The following TXNDC5 variants were observed in gnomAD, a reference collection of about 807,000 sequenced individuals.
TXNDC5 encodes the protein thioredoxin domain-containing protein 5.
Under a neutral mutation model 52.6 loss-of-function variants are expected in TXNDC5, and 44 were observed. That is an observed-to-expected ratio of 0.84 (90% CI 0.66 to 1.08). TXNDC5 has a LOEUF of 1.08. Among genes scored for constraint, TXNDC5 ranks in the 50% least tolerant of loss-of-function variants. The probability of loss-of-function intolerance (pLI) is 0.00; values close to 1 mark genes in which losing one functional copy is unlikely to be tolerated. For missense variants in TXNDC5, 600 were observed against 565.5 expected (o/e 1.06, Z -0.62); for synonymous variants, 241 against 234.4 (o/e 1.03, Z -0.26).
chr6:7,903,229 C>T (rs1760624658), intron 2 of TXNDC5, among the ~76,000 whole-genome samples: 1 of 152,240 alleles, frequency 6.6e-6, no homozygotes, highest in Non-Finnish European at 1.5e-5. Flanking sequence ...TTGATCCATA[C>T]TTTCAATGCA....
At chr6:7,905,219 G>A (rs923782296) in intron 1 of TXNDC5, among the ~76,000 whole-genome samples, 31 of 152,258 alleles carry the variant, frequency 2.0e-4, no homozygotes, top group African/African-American at 7.2e-4. Flanking sequence ...CTGACTCCCC[G>A]GGCTGTTCAG....
At position 7,903,774 on chromosome 6, in the gene TXNDC5, T is replaced by G. The variant is rs57888658; in HGVS notation, c.413+800A>C. On this transcript the variant is annotated intron_variant, in intron 2 of 9. Coordinates refer to ENST00000379757, the MANE Select transcript of TXNDC5 (RefSeq NM_030810.5). Reference sequence around the variant, plus strand: ...CCCTCCACCTCCTTCAGAAACAGCTTCTTCTCTTTTTTGAAGAACTGCTTT... The same window carrying G: ...CCCTCCACCTCCTTCAGAAACAGCTGCTTCTCTTTTTTGAAGAACTGCTTT... 8.6e-3 allele frequency among the ~76,000 whole-genome samples: 1,304 copies of G among 152,274 alleles called. 17 individuals are homozygous for G. The highest frequency in any genetic ancestry group is 0.026 in the African/African-American group (1,083 of 41,540).
At chr6:7,890,141 G>T (rs1159489611) in intron 5 of TXNDC5, among the ~76,000 whole-genome samples, 1 of 152,178 alleles carries the variant, frequency 6.6e-6, no homozygotes, top group East Asian at 1.9e-4. Context: ...TTACCAACAA[G>T]CACAGCTCTT....
Position 7,895,166 on chromosome 6 carries a change from C to T in TXNDC5, c.556G>A (p.Glu186Lys), listed in dbSNP as rs749384014. Residue 186 changes from glutamate (E) to lysine (K), a missense_variant, in exon 4 of 10, where the codon GAG (glutamate) becomes AAG (lysine). Physicochemically the swap from Glu to Lys is moderately conservative, Grantham distance 56 (BLOSUM62 1). Transcript: ENST00000379757. ...AGCTCATACAGCCCTTGCTTGAGCT[C>T]GGGGGCACTGGGCGGTTCCACTTCC... ...EPEVEPPSAP[E>K]LKQGLYELSA... 3.8e-5 allele frequency: 61 copies of T among 1,613,480 alleles called. No homozygotes were observed. In the South Asian group the frequency reaches 4.3e-4, roughly 11 times the overall value.
chr6:7,883,276 AAAAAG>A lies in TXNDC5; in HGVS notation c.1177-15_1177-11del, dbSNP rs767396208. On this transcript the variant is annotated splice_polypyrimidine_tract_variant and intron_variant, in intron 9 of 9. Transcript: ENST00000379757. ...TGGGGTAGCCTCGTACCTTAAAACA[AAAAAG>A]AAAAAAGTTTGCAAACCAGCGGTCC... The A allele has an allele frequency of 9.3e-6, 15 of 1,613,572 alleles. No individual in the cohort carries two copies. In the African/African-American group the frequency reaches 2.0e-4, roughly 22 times the overall value.
At chr6:7,895,580 C>T (rs899608027) in intron 3 of TXNDC5, among the ~76,000 whole-genome samples, 2 of 152,224 alleles carry the variant, frequency 1.3e-5, no homozygotes, top group Admixed American at 1.3e-4. Context: ...ACAAAGAATA[C>T]AAAATACAAC....
intron 1 of TXNDC5, among the ~76,000 whole-genome samples, chr6:7,908,946 A>G (rs1357273909): frequency 2.0e-5 from 3 of 152,220 alleles, no homozygotes; most frequent in African/African-American, 7.2e-5. Flanking sequence ...GTTGCTGAGA[A>G]TACTCCCGAA....
At chr6:7,910,220 A>G (rs1309551230) in intron 1 of TXNDC5, 42 of 912,702 alleles carry the variant, frequency 4.6e-5, no homozygotes, top group Non-Finnish European at 5.4e-5. Context: ...CGGAGCCCCA[A>G]GCCCTCGGTC....
At chr6:7,894,452 C>A (rs1279708100) in intron 4 of TXNDC5, among the ~76,000 whole-genome samples, 1 of 152,040 alleles carries the variant, frequency 6.6e-6, no homozygotes, top group Admixed American at 6.6e-5. Context: ...GGTCATTAAG[C>A]ATATGATTAT....
At position 7,895,233 on chromosome 6, in the gene TXNDC5, G is replaced by T. The variant is rs372458910; in HGVS notation, c.520-31C>A. On this transcript the variant is annotated intron_variant, in intron 3 of 9. Coordinates refer to ENST00000379757, the MANE Select transcript of TXNDC5 (RefSeq NM_030810.5). ...AGGAGGAAATAAAACAGTCATGGGT[G>T]TGTCAGTGGAGACACAGGGAAACCA... 3.8e-6 allele frequency: 6 copies of T among 1,586,968 alleles called. No individual in the cohort carries two copies. The African/African-American group carries it at 5.4e-5, about 14-fold the overall frequency.
chr6:7,889,022 G>T, intron 6 of TXNDC5, 174 bp from the exon 7 acceptor site: 1 of 804,168 alleles, frequency 1.2e-6, no homozygotes, highest in Non-Finnish European at 1.8e-6. Flanking sequence ...TGAATGCCTC[G>T]GCTTTGGTGA....
chr6:7,888,942 C>T (rs560526338), intron 6 of TXNDC5, 94 bp from the exon 7 acceptor site: 1 of 1,472,582 alleles, frequency 6.8e-7, no homozygotes, highest in Admixed American at 2.2e-5. Flanking sequence ...CGGGTCAGAG[C>T]TCCCAGATGT....
intron 1 of TXNDC5, among the ~76,000 whole-genome samples, chr6:7,905,002 G>A (rs536479616): frequency 2.0e-5 from 3 of 152,170 alleles, no homozygotes; most frequent in East Asian, 1.9e-4. Flanking sequence ...CTGACCTCCC[G>A]CTTGACTTCT....
chr6:7,896,424 G>A (rs1760370387), intron 3 of TXNDC5, among the ~76,000 whole-genome samples: 1 of 152,120 alleles, frequency 6.6e-6, no homozygotes, highest in South Asian at 2.1e-4. Flanking sequence ...GAAAGATAAT[G>A]GAATCAGTGT....
At chr6:7,885,371 G>C (rs1434876955) in intron 8 of TXNDC5, among the ~76,000 whole-genome samples, 1 of 152,174 alleles carries the variant, frequency 6.6e-6, no homozygotes, top group South Asian at 2.1e-4. Context: ...GGACATCCAA[G>C]TTTACTATAC....
intron 1 of TXNDC5, chr6:7,910,057 G>T: frequency 1.0e-6 from 1 of 986,164 alleles, no homozygotes; most frequent in Non-Finnish European, 1.2e-6. Flanking sequence ...TCGGTGCCGA[G>T]GTGCAAGAGG....
chr6:7,903,995 C>T (rs2113365403), intron 2 of TXNDC5, among the ~76,000 whole-genome samples: 1 of 152,346 alleles, frequency 6.6e-6, no homozygotes, highest in East Asian at 1.9e-4. Flanking sequence ...AAACAGACCC[C>T]AGGCCCCTGG....
intron 1 of TXNDC5, among the ~76,000 whole-genome samples, chr6:7,908,493 T>C (rs774573817): frequency 1.3e-5 from 2 of 150,108 alleles, no homozygotes; most frequent in Non-Finnish European, 2.9e-5. Context: ...TGGGGACTTA[T>C]TACATCTGCA....
At chr6:7,886,747 G>T (rs1759997002) in intron 7 of TXNDC5, among the ~76,000 whole-genome samples, 1 of 152,170 alleles carries the variant, frequency 6.6e-6, no homozygotes, top group Admixed American at 6.5e-5. Flanking sequence ...TCCAAAAATG[G>T]ATCTGCGATT....
Sources: gnomAD v4.1 joint callset for allele counts (sites outside exome capture counted in the v4.1 genomes callset) on GRCh38, gnomAD v4.1.1 for gene constraint, MANE v1.5 for transcripts, NCBI Gene and HGNC (gene_info 2026-07-23, HGNC 2026-07-21) for gene names.